The following PIK3CB variants were observed in gnomAD, a reference collection of about 807,000 sequenced individuals.
PIK3CB encodes phosphatidylinositol-4,5-bisphosphate 3-kinase catalytic subunit beta, also known as phosphatidylinositol 4,5-bisphosphate 3-kinase catalytic subunit beta isoform.
In PIK3CB, 39 loss-of-function variants were observed where a neutral mutation model predicts 136.8. That is an observed-to-expected ratio of 0.29 (90% CI 0.22 to 0.37). The LOEUF (loss-of-function observed/expected upper bound fraction) is 0.37, where lower values mean the gene tolerates loss of function less well. Ranked by LOEUF, PIK3CB falls within the 10% of genes least tolerant of loss-of-function variation. The probability of loss-of-function intolerance (pLI) is 1.00; values close to 1 mark genes in which losing one functional copy is unlikely to be tolerated. For missense variants in PIK3CB, 868 were observed against 1,275.4 expected (o/e 0.68, Z 4.87); for synonymous variants, 428 against 436.6 (o/e 0.98, Z 0.25).
Position 138,754,978 on chromosome 3 carries a change from A to T in PIK3CB, c.397+776T>A, listed in dbSNP as rs1402192401. Among the ~76,000 whole-genome samples the T allele has an allele frequency of 1.1e-4, 16 of 152,110 alleles. No homozygotes were observed. The South Asian group carries it at 2.7e-3, about 26-fold the overall frequency. On this transcript the variant is annotated intron_variant, in intron 4 of 23. Transcript: ENST00000674063. ...TATTGATAAAACATTAGCCCCTGAGACTCCTAATGTTATATAGCAAGAGAG... is the reference window on the plus strand; with the variant it reads ...TATTGATAAAACATTAGCCCCTGAGTCTCCTAATGTTATATAGCAAGAGAG...
chr3:138,722,748 T>C (rs1194329892), intron 8 of PIK3CB, among the ~76,000 whole-genome samples: 5 of 149,672 alleles, frequency 3.3e-5, no homozygotes, highest in Admixed American at 2.7e-4. Context: ...AAAAGTCCCG[T>C]ACCATCTGTG....
chr3:138,721,562 A>G (rs138089005), intron 8 of PIK3CB, among the ~76,000 whole-genome samples: 88 of 152,372 alleles, frequency 5.8e-4, no homozygotes, highest in Non-Finnish European at 1.1e-3. Flanking sequence ...TGAACACAAC[A>G]AAGTCTCCAC....
At chr3:138,798,450 A>G (rs2046133892) in intron 1 of PIK3CB, among the ~76,000 whole-genome samples, 1 of 152,218 alleles carries the variant, frequency 6.6e-6, no homozygotes, top group Non-Finnish European at 1.5e-5. Flanking sequence ...GGCGTGAGCC[A>G]CTGTGCCTGG....
chr3:138,818,294 A>G (rs1261197300), intron 1 of PIK3CB, among the ~76,000 whole-genome samples: 1 of 152,104 alleles, frequency 6.6e-6, no homozygotes, highest in Non-Finnish European at 1.5e-5. Context: ...AAAACCCAAT[A>G]TGCTCCTAAA....
At chr3:138,735,150 T>G (rs2045077455) in intron 6 of PIK3CB, among the ~76,000 whole-genome samples, 1 of 151,884 alleles carries the variant, frequency 6.6e-6, no homozygotes, top group Admixed American at 6.6e-5. Context: ...GGTTTTGCCA[T>G]GTTACCCAGG....
At chr3:138,753,388 G>A (rs1276346717) in intron 4 of PIK3CB, among the ~76,000 whole-genome samples, 1 of 152,054 alleles carries the variant, frequency 6.6e-6, no homozygotes, top group African/African-American at 2.4e-5. Context: ...GGGCATGGTG[G>A]CAGGTGCCTG....
At chr3:138,780,505 G>A (rs1167041111) in intron 2 of PIK3CB, among the ~76,000 whole-genome samples, 2 of 152,076 alleles carry the variant, frequency 1.3e-5, no homozygotes, top group Admixed American at 6.6e-5. Flanking sequence ...TCTTGACCTC[G>A]TGATCTGCCC....
At chr3:138,744,970 T>C (rs552948610) in intron 4 of PIK3CB, among the ~76,000 whole-genome samples, 1 of 152,360 alleles carries the variant, frequency 6.6e-6, no homozygotes, top group South Asian at 2.1e-4. Flanking sequence ...CCACAATCTA[T>C]TTCTTAATTT....
intron 8 of PIK3CB, among the ~76,000 whole-genome samples, chr3:138,731,258 C>CT (rs1467588041): frequency 4.0e-5 from 6 of 151,576 alleles, no homozygotes; most frequent in Non-Finnish European, 7.4e-5. Flanking sequence ...CTTTTCCTTT[C>CT]TTTTTTTTGG....
intron 1 of PIK3CB, chr3:138,825,817 T>C (rs1333356848): frequency 3.7e-6 from 4 of 1,069,348 alleles, no homozygotes; most frequent in East Asian, 2.4e-5. Context: ...AGCAGTCTGT[T>C]GAAATGCACC....
At chr3:138,689,483 G>A (rs1270930102) in intron 15 of PIK3CB, among the ~76,000 whole-genome samples, 1 of 152,106 alleles carries the variant, frequency 6.6e-6, no homozygotes, top group Non-Finnish European at 1.5e-5. Context: ...AGTAGAGACA[G>A]GGTTTTGCCA....
chr3:138,803,468 G>C (rs1266601203), intron 1 of PIK3CB, among the ~76,000 whole-genome samples: 1 of 152,088 alleles, frequency 6.6e-6, no homozygotes, highest in Admixed American at 6.6e-5. Flanking sequence ...TAGCATTACT[G>C]AACACAGGAC....
intron 2 of PIK3CB, among the ~76,000 whole-genome samples, chr3:138,785,145 G>C (rs1490730460): frequency 2.0e-5 from 3 of 151,342 alleles, no homozygotes; most frequent in African/African-American, 7.3e-5. Flanking sequence ...GGAGGGAGAT[G>C]GGGGGCAGCC....
intron 2 of PIK3CB, among the ~76,000 whole-genome samples, chr3:138,792,369 C>T (rs1015681580): frequency 7.2e-5 from 11 of 151,828 alleles, no homozygotes; most frequent in African/African-American, 2.7e-4. Flanking sequence ...TTCCAGGTTA[C>T]CATTGAGATA....
rs546608783 is a variant in PIK3CB, at chr3:138,733,244, T to C, written c.1050+117A>G. Reference sequence around the variant, plus strand: ...TTATAATAAATTACCATATTCTATATCATGTAATTGATCAATATGGGTAAA... The same window carrying C: ...TTATAATAAATTACCATATTCTATACCATGTAATTGATCAATATGGGTAAA... On this transcript the variant is annotated intron_variant, in intron 8 of 23. Transcript: ENST00000674063. 9 of 488,390 alleles carry C rather than the reference T, an allele frequency of 1.8e-5. No individual in the cohort carries two copies. In the East Asian group the frequency reaches 2.6e-4, roughly 14 times the overall value. 30.3% of individuals were successfully genotyped at this position (488,390 alleles called of 1,614,324 possible). A position where few individuals can be genotyped will look rare whatever the true frequency, so the allele number is the denominator to read the frequency against.
At chr3:138,779,383 GC>G (rs2045897782) in intron 2 of PIK3CB, among the ~76,000 whole-genome samples, 2 of 128,794 alleles carry the variant, frequency 1.6e-5, no homozygotes, top group African/African-American at 6.1e-5. Flanking sequence ...ACCACGCCCG[GC>G]CTTCTTTTTT....
chr3:138,781,844 G>A (rs1359541553), intron 2 of PIK3CB, among the ~76,000 whole-genome samples: 8 of 152,100 alleles, frequency 5.3e-5, no homozygotes, highest in Non-Finnish European at 7.4e-5. Flanking sequence ...ATCACTTGAC[G>A]CCAGGCAGTC....
Position 138,655,502 on chromosome 3 carries a change from C to T in PIK3CB, c.3100G>A (p.Glu1034Lys), listed in dbSNP as rs752742313. Residue 1034 changes from glutamate (E) to lysine (K), a missense_variant, in exon 24 of 24, where the codon GAA becomes AAA. This residue lies in a region of PIK3CB where 88 missense variants were observed against 147.8 expected (regional missense o/e 0.60). Coordinates refer to ENST00000674063, the MANE Select transcript of PIK3CB (RefSeq NM_006219.3). Reference protein sequence around the residue: ...LKDSLALGKSEEEALKQFKQK... With the variant: ...LKDSLALGKSKEEALKQFKQK... ...TTAAACTGTTTGAGTGCTTCTTCTTCACTCTTCCCTAATGCAAGAGAGTCC... is the reference window on the plus strand; with the variant it reads ...TTAAACTGTTTGAGTGCTTCTTCTTTACTCTTCCCTAATGCAAGAGAGTCC... 1.9e-6 allele frequency: 3 copies of T among 1,612,254 alleles called. No homozygotes were observed. Among genetic ancestry groups the T allele is most frequent in the Non-Finnish European group, 2.5e-6 (3 of 1,178,268 alleles).
chr3:138,713,182 A>ATT (rs759403523), intron 9 of PIK3CB, among the ~76,000 whole-genome samples: 1 of 143,110 alleles, frequency 7.0e-6, no homozygotes, highest in African/African-American at 2.5e-5. Context: ...CTTTTAGGGT[A>ATT]TTTTTTTTTT....
Sources: gnomAD v4.1 joint callset for allele counts (sites outside exome capture counted in the v4.1 genomes callset) on GRCh38, gnomAD v4.1.1 for gene constraint, gnomAD v4.1.1 regional missense constraint, MANE v1.5 for transcripts, NCBI Gene and HGNC (gene_info 2026-07-23, HGNC 2026-07-21) for gene names.